The following RGS20 variants were observed in gnomAD, a reference collection of about 807,000 sequenced individuals.
RGS20 encodes regulator of G protein signaling 20, also known as gz-selective GTPase-activating protein.
Under a neutral mutation model 33.6 loss-of-function variants are expected in RGS20, and 30 were observed. The observed-to-expected ratio is 0.89, with a 90% CI of 0.67 to 1.21. The LOEUF is 1.21. Ranked by LOEUF, RGS20 falls within the 50% of genes most tolerant of loss-of-function variation. The pLI is 0.00. For synonymous variants in RGS20, 208 were observed against 197.9 expected (o/e 1.05, Z -0.43); for missense variants, 472 against 502.4 (o/e 0.94, Z 0.58).
chr8:53,934,071 C>T (rs992682701), intron 2 of RGS20, among the ~76,000 whole-genome samples: 7 of 152,168 alleles, frequency 4.6e-5, no homozygotes, highest in African/African-American at 1.2e-4. Flanking sequence ...GAGATTTTGT[C>T]ACCACCAGGC....
rs562118249 is a variant in RGS20 at position 53,954,791 on chromosome 8, A to G, written c.978+481A>G. Among the ~76,000 whole-genome samples the G allele has an allele frequency of 3.4e-3, 499 of 148,128 alleles. 2 individuals carry two copies. Among genetic ancestry groups the G allele is most frequent in the African/African-American group, 0.012 (476 of 40,238 alleles). On this transcript the variant is annotated intron_variant, in intron 5 of 5. Transcript: ENST00000297313. ...CAACTTCTGCCTCCCGGGTTCAAGC[A>G]ATTCTCCTGCCTCAGCCTCCAGAGT...
intron 2 of RGS20, among the ~76,000 whole-genome samples, chr8:53,938,200 G>A (rs575573627): frequency 6.6e-6 from 1 of 152,328 alleles, no homozygotes; most frequent in Non-Finnish European, 1.5e-5. Context: ...ATTCTATGCA[G>A]CCATTAAACA....
rs564888629 is a variant in RGS20 at position 53,900,911 on chromosome 8, C to A, written c.510+21309C>A. ...ACTCCTCCAAGTAAACCCAATATTC[C>A]CACTCGGCCCTCTGACCCCAGTCAC... On this transcript the variant is annotated intron_variant, in intron 2 of 5. Transcript: ENST00000297313. Among the ~76,000 whole-genome samples the A allele has an allele frequency of 3.9e-5, 6 of 152,238 alleles. 1 individual carries two copies. The South Asian group carries it at 1.2e-3, about 32-fold the overall frequency.
chr8:53,879,932 G>A (rs942210735), intron 2 of RGS20: 4 of 297,172 alleles, frequency 1.3e-5, no homozygotes, highest in Non-Finnish European at 2.5e-5. Context: ...CGCCTACTCC[G>A]AGCCTCCCCC....
intron 1 of RGS20, among the ~76,000 whole-genome samples, chr8:53,860,022 T>C (rs1267246222): frequency 6.6e-6 from 1 of 152,184 alleles, no homozygotes; most frequent in African/African-American, 2.4e-5. Context: ...TTTTTCTAGG[T>C]TCTCTAGAAA....
chr8:53,868,783 C>T (rs751689790), intron 1 of RGS20, among the ~76,000 whole-genome samples: 1 of 151,630 alleles, frequency 6.6e-6, no homozygotes, highest in Non-Finnish European at 1.5e-5. Flanking sequence ...GACAGAGTCT[C>T]CCTCTGTTAC....
chr8:53,880,977 C>G, intron 2 of RGS20: 2 of 1,588,358 alleles, frequency 1.3e-6, no homozygotes, highest in East Asian at 4.5e-5. Flanking sequence ...AGAGGGCAGC[C>G]CTCCGCGCTG....
chr8:53,890,300 A>C (rs1277708640), intron 2 of RGS20, among the ~76,000 whole-genome samples: 3 of 152,188 alleles, frequency 2.0e-5, no homozygotes, highest in African/African-American at 7.2e-5. Flanking sequence ...GTAGTATGCC[A>C]ATTTGATTCA....
At chr8:53,921,637 C>T (rs999796152) in intron 2 of RGS20, among the ~76,000 whole-genome samples, 2 of 151,922 alleles carry the variant, frequency 1.3e-5, no homozygotes, top group Non-Finnish European at 1.5e-5. Context: ...AGTTGGCATA[C>T]AGTTGTTCAC....
chr8:53,870,966 C>G (rs894555613), intron 1 of RGS20, among the ~76,000 whole-genome samples: 3 of 151,694 alleles, frequency 2.0e-5, no homozygotes, highest in Admixed American at 2.0e-4. Flanking sequence ...CAAAAATTAG[C>G]CAGGTGTGGC....
At chr8:53,871,381 A>C (rs1399477246) in intron 1 of RGS20, among the ~76,000 whole-genome samples, 5 of 151,994 alleles carry the variant, frequency 3.3e-5, no homozygotes, top group Admixed American at 6.6e-5. Context: ...ATCACTTCTC[A>C]AAACATTATT....
chr8:53,953,344 G>A (rs1814765076), intron 4 of RGS20, among the ~76,000 whole-genome samples: 1 of 152,138 alleles, frequency 6.6e-6, no homozygotes, highest in Non-Finnish European at 1.5e-5. Flanking sequence ...AACATAGTAA[G>A]ACCTGACTCT....
chr8:53,865,046 C>T (rs1430034336), intron 1 of RGS20, among the ~76,000 whole-genome samples: 1 of 152,342 alleles, frequency 6.6e-6, no homozygotes, highest in East Asian at 1.9e-4. Flanking sequence ...AACGACAGGG[C>T]CCCGCATGGC....
At chr8:53,900,148 G>A (rs1178787288) in intron 2 of RGS20, among the ~76,000 whole-genome samples, 1 of 152,054 alleles carries the variant, frequency 6.6e-6, no homozygotes, top group Non-Finnish European at 1.5e-5. Flanking sequence ...AGACACAAAG[G>A]TACAGGACCA....
intron 2 of RGS20, among the ~76,000 whole-genome samples, chr8:53,893,571 C>T (rs1585894782): frequency 6.6e-6 from 1 of 152,144 alleles, no homozygotes; most frequent in Admixed American, 6.6e-5. Flanking sequence ...CTCTGACCTC[C>T]GTATTCTGAG....
At chr8:53,917,278 G>A (rs897487843) in intron 2 of RGS20, among the ~76,000 whole-genome samples, 35 of 152,112 alleles carry the variant, frequency 2.3e-4, no homozygotes, top group African/African-American at 8.5e-4. Flanking sequence ...CTCCTGAGTA[G>A]CTGGGATTAC....
chr8:53,904,126 CTTTT>C (rs35492125), intron 2 of RGS20, among the ~76,000 whole-genome samples: 3 of 136,784 alleles, frequency 2.2e-5, no homozygotes, highest in Non-Finnish European at 3.2e-5. Context: ...AATAACTTTG[CTTTT>C]TTTTTTTTTT....
intron 2 of RGS20, among the ~76,000 whole-genome samples, chr8:53,903,017 G>GC (rs1563380395): frequency 6.6e-6 from 1 of 152,140 alleles, no homozygotes; most frequent in Non-Finnish European, 1.5e-5. Context: ...TGAGCCACCC[G>GC]TGCCCAGCCC....
intron 1 of RGS20, among the ~76,000 whole-genome samples, chr8:53,872,907 C>G (rs538725491): frequency 6.6e-6 from 1 of 152,206 alleles, no homozygotes; most frequent in East Asian, 1.9e-4. Flanking sequence ...TTCAATGGCA[C>G]TATCTATTTC....
Sources: gnomAD v4.1 joint callset for allele counts (sites outside exome capture counted in the v4.1 genomes callset) on GRCh38, gnomAD v4.1.1 for gene constraint, MANE v1.5 for transcripts, NCBI Gene and HGNC (gene_info 2026-07-23, HGNC 2026-07-21) for gene names.